The following KIAA1217 variants were observed in gnomAD, a reference collection of about 807,000 sequenced individuals.
KIAA1217 encodes KIAA1217.
Under a neutral mutation model 163.9 loss-of-function variants are expected in KIAA1217, and 88 were observed. The ratio of observed to expected loss-of-function variants is 0.54; its 90% CI spans 0.45 to 0.64. The LOEUF is 0.64. Ranked by LOEUF, KIAA1217 falls within the 30% of genes least tolerant of loss-of-function variation. The probability of loss-of-function intolerance (pLI) is 0.00; values close to 1 mark genes in which losing one functional copy is unlikely to be tolerated. For missense variants in KIAA1217, 2,372 were observed against 2,475.0 expected (o/e 0.96, Z 0.88); for synonymous variants, 903 against 923.1 (o/e 0.98, Z 0.39).
At chr10:24,302,361 A>T (rs756893770) in intron 2 of KIAA1217, among the ~76,000 whole-genome samples, 6 of 152,152 alleles carry the variant, frequency 3.9e-5, no homozygotes, top group Non-Finnish European at 5.9e-5. Flanking sequence ...CTGAATGCAC[A>T]TTCTTCTTGA....
intron 3 of KIAA1217, among the ~76,000 whole-genome samples, chr10:24,432,185 G>A (rs139426280): frequency 0.029 from 4,278 of 145,722 alleles, 69 homozygotes; most frequent in African/African-American, 0.039. Context: ...GTGCAGTGGC[G>A]TGATCTCAGC....
intron 1 of KIAA1217, among the ~76,000 whole-genome samples, chr10:23,882,784 C>A (rs1012790876): frequency 6.6e-6 from 1 of 151,888 alleles, no homozygotes; most frequent in Non-Finnish European, 1.5e-5. Flanking sequence ...TGTTTATAAA[C>A]CCTGCTCTTT....
Position 24,545,940 on chromosome 10 carries a change from C to T in KIAA1217, c.5448C>T (p.Pro1816=), listed in dbSNP as rs765474405. 5.6e-6 allele frequency: 9 copies of T among 1,614,016 alleles called. No individual in the cohort carries two copies. The East Asian group carries it at 1.6e-4, about 28-fold the overall frequency. The change falls in exon 21 of 21, where the codon CCC becomes CCT. Residue 1816 remains proline, a synonymous_variant. Coordinates refer to ENST00000376454, the MANE Select transcript of KIAA1217 (RefSeq NM_019590.5). ...SPSSGKSSSL[P]SSSGDSSNLP... ...GCTCTGGGAAAAGCAGTTCTCTGCC[C>T]TCTTCTAGTGGTGACAGCTCTAACC...
intron 1 of KIAA1217, among the ~76,000 whole-genome samples, chr10:23,837,538 A>AT (rs1838536907): frequency 6.6e-6 from 1 of 151,826 alleles, no homozygotes; most frequent in South Asian, 2.1e-4. Flanking sequence ...AATCTCAGTC[A>AT]TTTTTTCTTT....
At chr10:24,186,033 C>T (rs1001455493) in intron 2 of KIAA1217, among the ~76,000 whole-genome samples, 11 of 151,898 alleles carry the variant, frequency 7.2e-5, no homozygotes, top group Admixed American at 2.0e-4. Flanking sequence ...TCTGTCTTCC[C>T]TTCCCTTCTC....
At chr10:24,068,928 C>G (rs1385524707) in intron 2 of KIAA1217, among the ~76,000 whole-genome samples, 2 of 152,214 alleles carry the variant, frequency 1.3e-5, no homozygotes, top group African/African-American at 4.8e-5. Context: ...TTCTCAGTAG[C>G]CCTCAGGCAT....
rs1718127635 is a variant in KIAA1217, at chr10:24,031,374, C to T, written c.-171+24000C>T. Among the ~76,000 whole-genome samples the T allele has an allele frequency of 1.3e-5, 2 of 152,144 alleles. 1 individual carries two copies. The highest frequency in any genetic ancestry group is 4.1e-4 in the South Asian group (2 of 4,830). The stretch of plus-strand genomic sequence containing the variant: ...GGAGTGCAGTGGCACAATTACTGCT[C>T]ACTGCAGCCTTGACCTCCCAGGCTA... On this transcript the variant is annotated intron_variant, in intron 2 of 18. Coordinates refer to the KIAA1217 transcript ENST00000376462.
At chr10:24,422,083 CAA>C (rs976752506) in intron 3 of KIAA1217, among the ~76,000 whole-genome samples, 5 of 152,092 alleles carry the variant, frequency 3.3e-5, no homozygotes, top group African/African-American at 1.2e-4. Flanking sequence ...TGGTGGCAGG[CAA>C]AGAGAGAGCT....
intron 1 of KIAA1217, among the ~76,000 whole-genome samples, chr10:24,209,829 A>G (rs1167190184): frequency 6.6e-6 from 1 of 152,236 alleles, no homozygotes; most frequent in Admixed American, 6.5e-5. Flanking sequence ...GTTTTAATTC[A>G]AAACTTGGGA....
intron 3 of KIAA1217, among the ~76,000 whole-genome samples, chr10:24,420,728 ACTTTTT>A (rs1056756014): frequency 6.6e-6 from 1 of 152,108 alleles, no homozygotes; most frequent in African/African-American, 2.4e-5. Context: ...TGTATTTTTT[ACTTTTT>A]CCATATGGAA....
At chr10:24,533,344 C>T (rs183961504) in intron 16 of KIAA1217, 107 bp downstream of exon 16, 108 of 1,109,118 alleles carry the variant, frequency 9.7e-5, no homozygotes, top group African/African-American at 2.7e-4. Flanking sequence ...GCGCATGGAC[C>T]GGGACCATAG....
chr10:24,094,041 A>C (rs1188421631), intron 2 of KIAA1217, among the ~76,000 whole-genome samples: 1 of 151,284 alleles, frequency 6.6e-6, no homozygotes, highest in African/African-American at 2.4e-5. Context: ...TTCTTAATCC[A>C]GTCTATCATT....
At chr10:24,029,882 A>T (rs934113365) in intron 2 of KIAA1217, among the ~76,000 whole-genome samples, 1 of 152,166 alleles carries the variant, frequency 6.6e-6, no homozygotes, top group Non-Finnish European at 1.5e-5. Context: ...TGGCTGTGTG[A>T]CAATGCAAGG....
rs220353 is a variant in KIAA1217, at chr10:24,289,053, C to T, written c.354+69144C>T. Reference sequence around the variant, plus strand: ...TACATGTTTTTCTTTACTTTTTACGCTTTTTTCTCTACTGGCTCTTAACCT... The same window carrying T: ...TACATGTTTTTCTTTACTTTTTACGTTTTTTTCTCTACTGGCTCTTAACCT... On this transcript the variant is annotated intron_variant, in intron 2 of 20. Coordinates refer to ENST00000376454, the MANE Select transcript of KIAA1217 (RefSeq NM_019590.5). Among the ~76,000 whole-genome samples, 3 of 152,108 alleles carry T rather than the reference C, an allele frequency of 2.0e-5. No individual in the cohort carries two copies. The East Asian group carries it at 5.8e-4, about 29-fold the overall frequency.
At chr10:24,322,228 A>G (rs1241632795) in intron 2 of KIAA1217, among the ~76,000 whole-genome samples, 1 of 152,226 alleles carries the variant, frequency 6.6e-6, no homozygotes, top group Non-Finnish European at 1.5e-5. Context: ...TGCTGGGATT[A>G]CAGGTGTGAG....
At chr10:24,092,037 C>G (rs1196191644) in intron 2 of KIAA1217, among the ~76,000 whole-genome samples, 1 of 151,722 alleles carries the variant, frequency 6.6e-6, no homozygotes, top group African/African-American at 2.4e-5. Context: ...CCCATCCTAC[C>G]AGAAACCTCA....
At chr10:24,540,048 A>G (rs960768955) in intron 17 of KIAA1217, among the ~76,000 whole-genome samples, 4 of 152,222 alleles carry the variant, frequency 2.6e-5, no homozygotes, top group African/African-American at 9.6e-5. Context: ...GTGAGTTTGC[A>G]TGACAATTAT....
At chr10:24,131,094 C>T (rs996836835) in intron 2 of KIAA1217, among the ~76,000 whole-genome samples, 1 of 152,272 alleles carries the variant, frequency 6.6e-6, no homozygotes, top group Non-Finnish European at 1.5e-5. Flanking sequence ...TTGAAACATA[C>T]TTGTTGAAGA....
At chr10:24,380,172 T>A (rs1487780775) in intron 2 of KIAA1217, among the ~76,000 whole-genome samples, 1 of 152,194 alleles carries the variant, frequency 6.6e-6, no homozygotes, top group Non-Finnish European at 1.5e-5. Context: ...TATTAGTAGC[T>A]CATCCATCTA....
Sources: gnomAD v4.1 joint callset for allele counts (sites outside exome capture counted in the v4.1 genomes callset) on GRCh38, gnomAD v4.1.1 for gene constraint, MANE v1.5 for transcripts, NCBI Gene and HGNC (gene_info 2026-07-23, HGNC 2026-07-21) for gene names.